The following EFCAB6 variants were observed in gnomAD, a reference collection of about 807,000 sequenced individuals.
EFCAB6 encodes the protein EF-hand calcium-binding domain-containing protein 6.
In EFCAB6, 156 loss-of-function variants were observed where a neutral mutation model predicts 169.8. The ratio of observed to expected loss-of-function variants is 0.92; its 90% CI spans 0.81 to 1.05. The LOEUF is 1.05. Ranked by LOEUF, EFCAB6 falls within the 50% of genes least tolerant of loss-of-function variation. EFCAB6 has a pLI of 0.00. For missense variants in EFCAB6, 1,800 were observed against 1,829.1 expected (o/e 0.98, Z 0.29); for synonymous variants, 698 against 676.4 (o/e 1.03, Z -0.50).
At chr22:43,683,718 T>C in intron 12 of EFCAB6, 29 bp downstream of exon 12, 1 of 1,487,408 alleles carries the variant, frequency 6.7e-7, no homozygotes. Flanking sequence ...CAATGAGTGT[T>C]TCACAAGAGA....
At chr22:43,571,108 G>A (rs978193165) in intron 26 of EFCAB6, among the ~76,000 whole-genome samples, 2 of 152,212 alleles carry the variant, frequency 1.3e-5, no homozygotes, top group African/African-American at 2.4e-5. Context: ...TCATTTTCAC[G>A]TGCTGCTGTG....
rs1371222373 is a variant in EFCAB6 at position 43,686,913 on chromosome 22, C to A, written c.1142+558G>T. The stretch of plus-strand genomic sequence containing the variant: ...TCATATTATTAAATTTTTTAAAAAA[C>A]ATTTTGGGGCCCCATCACAAGATAT... On this transcript the variant is annotated intron_variant, in intron 11 of 31. Coordinates refer to ENST00000262726, the MANE Select transcript of EFCAB6 (RefSeq NM_022785.4). Among the ~76,000 whole-genome samples the A allele has an allele frequency of 2.0e-5, 3 of 152,024 alleles. 1 individual carries two copies. The highest frequency in any genetic ancestry group is 4.4e-5 in the Non-Finnish European group (3 of 68,014).
At chr22:43,573,275 CT>C (rs1488427526) in intron 26 of EFCAB6, among the ~76,000 whole-genome samples, 1 of 152,124 alleles carries the variant, frequency 6.6e-6, no homozygotes, top group Non-Finnish European at 1.5e-5. Context: ...GTTTTTAAAT[CT>C]TTTGCAACAA....
At chr22:43,645,521 T>A in intron 17 of EFCAB6, among the ~76,000 whole-genome samples, 1 of 152,218 alleles carries the variant, frequency 6.6e-6, no homozygotes, top group Non-Finnish European at 1.5e-5. Flanking sequence ...ATGCCCTATG[T>A]AACAGCAGAG....
At chr22:43,630,438 T>G (rs1183809486) in intron 19 of EFCAB6, among the ~76,000 whole-genome samples, 13 of 152,228 alleles carry the variant, frequency 8.5e-5, no homozygotes, top group Non-Finnish European at 1.9e-4. Context: ...GTAGCCAAGC[T>G]TCACTGATCG....
At chr22:43,620,777 T>C (rs1465659548) in intron 20 of EFCAB6, among the ~76,000 whole-genome samples, 1 of 152,172 alleles carries the variant, frequency 6.6e-6, no homozygotes, top group African/African-American at 2.4e-5. Context: ...TTCAAAACTA[T>C]TGCTGGAGAC....
Position 43,572,704 on chromosome 22 carries a change from C to T in EFCAB6, c.3420+3593G>A, listed in dbSNP as rs1569178630. ...GCTCGGATGTCACCCCTCGACAGGC[C>T]CTCCCTTCTGCTCTGCTCCATTTTT... On this transcript the variant is annotated intron_variant, in intron 26 of 31. Transcript: ENST00000262726. This position sits in a 1 kb window ranked among gnomAD's most constrained non-coding sequence, Gnocchi z 4.0. Among the ~76,000 whole-genome samples the T allele has an allele frequency of 6.6e-6, 1 of 152,188 alleles. No homozygotes were observed. The highest frequency in any genetic ancestry group is 2.4e-5 in the African/African-American group (1 of 41,444).
Position 43,619,529 on chromosome 22 carries a change from C to A in EFCAB6, c.2466-3607G>T, listed in dbSNP as rs372940873. Among the ~76,000 whole-genome samples, 4 of 152,136 alleles carry A rather than the reference C, an allele frequency of 2.6e-5. No individual in the cohort carries two copies. In the East Asian group the frequency reaches 7.7e-4, roughly 29 times the overall value. On this transcript the variant is annotated intron_variant, in intron 20 of 31. Coordinates refer to ENST00000262726, the MANE Select transcript of EFCAB6 (RefSeq NM_022785.4). ...TTGAAATTATCAGATTGTAAAGCAG[C>A]TATTATATTCATGAAGAGCAAACAT...
intron 24 of EFCAB6, among the ~76,000 whole-genome samples, chr22:43,587,064 C>T (rs1171973093): frequency 2.0e-5 from 3 of 152,136 alleles, no homozygotes; most frequent in Admixed American, 1.3e-4. Context: ...CTCAGAGGCT[C>T]TGGAACTGAT....
In EFCAB6 at chr22:43,580,506, C is replaced by T; in HGVS notation, c.3186G>A (p.Lys1062=). 5 of 1,614,136 alleles carry T rather than the reference C, an allele frequency of 3.1e-6. No homozygotes were observed. Among genetic ancestry groups the T allele is most frequent in the Non-Finnish European group, 4.2e-6 (5 of 1,180,018 alleles). ...ATLNPQEAVR[K]IQEVVESSQL... ...GGGAGGACTCAACTACTTCCTGGATCTTCCTCACAGCCTCCTGTGGATTCA... is the reference window on the plus strand; with the variant it reads ...GGGAGGACTCAACTACTTCCTGGATTTTCCTCACAGCCTCCTGTGGATTCA... The change falls in exon 25 of 32, where the codon AAG becomes AAA. Residue 1062 remains lysine, a synonymous_variant. Transcript: ENST00000262726.
intron 23 of EFCAB6, among the ~76,000 whole-genome samples, chr22:43,594,483 G>T (rs976881143): frequency 2.0e-5 from 3 of 152,006 alleles, no homozygotes; most frequent in Non-Finnish European, 2.9e-5. Flanking sequence ...ATGAAGAGCA[G>T]GAGTAGCTAT....
chr22:43,708,305 C>G (rs911509310), intron 10 of EFCAB6, among the ~76,000 whole-genome samples: 2 of 151,956 alleles, frequency 1.3e-5, no homozygotes, highest in African/African-American at 2.4e-5. Context: ...ACTGGAGAAG[C>G]TGAGGCAGGA....
chr22:43,704,372 GTTCT>G, intron 10 of EFCAB6, among the ~76,000 whole-genome samples: 1 of 152,118 alleles, frequency 6.6e-6, no homozygotes, highest in Non-Finnish European at 1.5e-5. Flanking sequence ...GCTAAAGAGA[GTTCT>G]TTAAGTTGAA....
chr22:43,716,145 A>G (rs1461096921), intron 9 of EFCAB6, among the ~76,000 whole-genome samples: 1 of 152,212 alleles, frequency 6.6e-6, no homozygotes, highest in Non-Finnish European at 1.5e-5. Flanking sequence ...GTTTACCCAC[A>G]TTACTTACAT....
intron 8 of EFCAB6, among the ~76,000 whole-genome samples, chr22:43,722,529 CA>C (rs71188408): frequency 2.7e-4 from 37 of 138,978 alleles, no homozygotes; most frequent in Admixed American, 5.0e-4. Context: ...GACTGCATCT[CA>C]AAAAAAAAAA....
chr22:43,601,524 T>C (rs1313729210), intron 22 of EFCAB6, among the ~76,000 whole-genome samples: 1 of 152,222 alleles, frequency 6.6e-6, no homozygotes, highest in Non-Finnish European at 1.5e-5. Context: ...GGAGTAGAAG[T>C]ACAATCAGTT....
intron 19 of EFCAB6, 99 bp from the exon 20 acceptor site, chr22:43,626,778 G>A: frequency 9.0e-7 from 1 of 1,111,476 alleles, no homozygotes; most frequent in African/African-American, 1.6e-5. Context: ...ACGCGAGGAG[G>A]GGCAGCTTGG....
intron 20 of EFCAB6, among the ~76,000 whole-genome samples, chr22:43,621,382 A>G (rs2054103991): frequency 1.3e-5 from 2 of 152,140 alleles, no homozygotes; most frequent in Non-Finnish European, 2.9e-5. Context: ...GATTACAGGC[A>G]TGAGCCACTG....
chr22:43,632,223 CCT>C lies in EFCAB6; in HGVS notation c.2112_2113del (p.Gly705AlafsTer32). Reference sequence around the variant, plus strand: ...AGGCTGCGGCGGAGTGGTTTCCGGCCCTCTCATTGGAGGATCTGGAACAATTA... The same window carrying C: ...AGGCTGCGGCGGAGTGGTTTCCGGCCCTCATTGGAGGATCTGGAACAATTA... On this transcript the variant is annotated frameshift_variant, in exon 19 of 32. Transcript: ENST00000262726. LOFTEE classifies it high-confidence loss of function. 1 of 1,613,274 alleles carries C rather than the reference CCT, an allele frequency of 6.2e-7. No homozygotes were observed. Among genetic ancestry groups the C allele is most frequent in the Non-Finnish European group, 8.5e-7 (1 of 1,179,804 alleles).
Sources: allele counts gnomAD v4.1 joint callset (sites outside exome capture counted in the v4.1 genomes callset), GRCh38; gene constraint gnomAD v4.1.1; non-coding constraint Gnocchi (gnomAD v3.1); transcripts MANE v1.5; gene names NCBI Gene and HGNC (gene_info 2026-07-23, HGNC 2026-07-21).